The following MEIS2 variants were observed in gnomAD, a reference collection of about 807,000 sequenced individuals.
The protein encoded by MEIS2 is homeobox protein Meis2.
Under a neutral mutation model 58.6 loss-of-function variants are expected in MEIS2, and 9 were observed. That is an observed-to-expected ratio of 0.15 (90% CI 0.09 to 0.27). The LOEUF (loss-of-function observed/expected upper bound fraction) is 0.27, where lower values mean the gene tolerates loss of function less well. Among genes scored for constraint, MEIS2 ranks in the 10% least tolerant of loss-of-function variants. The pLI, the probability that MEIS2 is intolerant of heterozygous loss-of-function variation, is 1.00. For synonymous variants in MEIS2, 221 were observed against 228.4 expected, an observed-to-expected ratio of 0.97 and a Z score of 0.29; for missense variants, 427 against 635.0, an observed-to-expected ratio of 0.67 and a Z score of 3.52.
intron 9 of MEIS2, among the ~76,000 whole-genome samples, chr15:36,905,926 T>C (rs1324933862): frequency 6.6e-6 from 1 of 152,124 alleles, no homozygotes; most frequent in Non-Finnish European, 1.5e-5. Flanking sequence ...AAATAGTCCA[T>C]AGTCAGTAAA....
At chr15:37,064,519 A>G (rs984078360) in intron 7 of MEIS2, among the ~76,000 whole-genome samples, 3 of 152,214 alleles carry the variant, frequency 2.0e-5, no homozygotes, top group Admixed American at 6.5e-5. Context: ...TTGCACAGGC[A>G]AAGTGAATTG....
At position 37,099,796 on chromosome 15, in the gene MEIS2, C is replaced by T. The variant is rs1026793378; in HGVS notation, c.-330G>A. 3.0e-5 allele frequency: 9 copies of T among 302,056 alleles called. No homozygotes were observed. The highest frequency in any genetic ancestry group is 1.8e-4 in the African/African-American group (8 of 44,020). 18.7% of individuals were successfully genotyped at this position (302,056 alleles called of 1,614,324 possible). On this transcript the variant is annotated 5_prime_UTR_variant, in exon 1 of 12. Coordinates refer to ENST00000561208, the MANE Select transcript of MEIS2 (RefSeq NM_170675.5). ...TTCCCCCTCTTTCTCTTCTCTTCCCCTCAGTTGGAAAAAAAAAGAAAGAAA... is the reference window on the plus strand; with the variant it reads ...TTCCCCCTCTTTCTCTTCTCTTCCCTTCAGTTGGAAAAAAAAAGAAAGAAA...
At chr15:36,921,423 C>T (rs1209143624) in intron 9 of MEIS2, among the ~76,000 whole-genome samples, 3 of 152,166 alleles carry the variant, frequency 2.0e-5, no homozygotes, top group Admixed American at 6.5e-5. Flanking sequence ...TTCCTGATAC[C>T]GTATGCTATT....
At chr15:37,093,980 A>C (rs1019982047) in intron 5 of MEIS2, 4 of 461,164 alleles carry the variant, frequency 8.7e-6, no homozygotes, top group African/African-American at 7.7e-5. Flanking sequence ...GAGAGAAAGA[A>C]ACAGGACTGG....
chr15:36,960,859 G>A (rs2059156256), intron 8 of MEIS2, among the ~76,000 whole-genome samples: 1 of 152,072 alleles, frequency 6.6e-6, no homozygotes, highest in Admixed American at 6.5e-5. Flanking sequence ...TATCACCCAA[G>A]TGTTTACCTT....
At chr15:36,995,116 C>G (rs923495905) in intron 8 of MEIS2, among the ~76,000 whole-genome samples, 2 of 152,178 alleles carry the variant, frequency 1.3e-5, no homozygotes, top group Non-Finnish European at 2.9e-5. Flanking sequence ...TCACAACTTA[C>G]AGAAATTTCA....
chr15:36,934,468 C>T (rs949828974), intron 9 of MEIS2, among the ~76,000 whole-genome samples: 1 of 152,192 alleles, frequency 6.6e-6, no homozygotes, highest in African/African-American at 2.4e-5. Context: ...TCAGCCTCTT[C>T]CCTTGGTGTA....
intron 7 of MEIS2, among the ~76,000 whole-genome samples, chr15:37,079,163 G>A (rs2141900492): frequency 6.6e-6 from 1 of 152,058 alleles, no homozygotes; most frequent in Admixed American, 6.6e-5. Context: ...AATGTAAATA[G>A]TCCATATACA....
intron 9 of MEIS2, among the ~76,000 whole-genome samples, chr15:36,898,989 C>A: frequency 6.6e-6 from 1 of 152,284 alleles, no homozygotes; most frequent in South Asian, 2.1e-4. Context: ...CTTTCTTTAC[C>A]CACTTCTCCT....
At chr15:37,056,142 C>T (rs553843384) in intron 7 of MEIS2, among the ~76,000 whole-genome samples, 1 of 152,270 alleles carries the variant, frequency 6.6e-6, no homozygotes, top group South Asian at 2.1e-4. Context: ...GAGCAAACTG[C>T]ATCAATTTTC....
At chr15:36,995,979 A>ATGTG (rs1204930275) in intron 8 of MEIS2, among the ~76,000 whole-genome samples, 3 of 79,692 alleles carry the variant, frequency 3.8e-5, no homozygotes, top group African/African-American at 1.8e-4. Flanking sequence ...ATATATATAT[A>ATGTG]TATATATATA....
At chr15:36,963,366 C>T (rs562804104) in intron 8 of MEIS2, among the ~76,000 whole-genome samples, 20 of 143,124 alleles carry the variant, frequency 1.4e-4, no homozygotes, top group Middle Eastern at 3.7e-3. Context: ...GGTGACAGTG[C>T]GAGACTCCAT....
At chr15:36,946,895 T>C (rs909066760) in intron 9 of MEIS2, among the ~76,000 whole-genome samples, 3 of 152,104 alleles carry the variant, frequency 2.0e-5, no homozygotes, top group African/African-American at 7.2e-5. Flanking sequence ...CTATATTACC[T>C]TTAGAGCTTT....
chr15:36,925,464 G>A (rs2141311481), intron 9 of MEIS2, among the ~76,000 whole-genome samples: 1 of 152,192 alleles, frequency 6.6e-6, no homozygotes, highest in East Asian at 1.9e-4. Context: ...CAAGGGTGAG[G>A]CGGCTGCTTT....
At chr15:37,045,521 G>A (rs752935166) in intron 7 of MEIS2, among the ~76,000 whole-genome samples, 2 of 152,016 alleles carry the variant, frequency 1.3e-5, no homozygotes, top group Non-Finnish European at 2.9e-5. Flanking sequence ...GCTTAATTCT[G>A]CTTTAGAATA....
intron 8 of MEIS2, among the ~76,000 whole-genome samples, chr15:37,016,923 A>G (rs758078777): frequency 1.5e-4 from 23 of 152,244 alleles, no homozygotes; most frequent in Non-Finnish European, 2.9e-4. Flanking sequence ...AATTTGCTTC[A>G]TTGCACAATA....
intron 9 of MEIS2, among the ~76,000 whole-genome samples, chr15:36,933,134 C>G (rs1009930896): frequency 6.6e-6 from 1 of 152,128 alleles, no homozygotes; most frequent in Non-Finnish European, 1.5e-5. Context: ...GAGTGAGTCT[C>G]AAAGCTGTAA....
At chr15:36,994,590 T>G (rs575528503) in intron 8 of MEIS2, among the ~76,000 whole-genome samples, 2 of 152,208 alleles carry the variant, frequency 1.3e-5, no homozygotes, top group African/African-American at 2.4e-5. Flanking sequence ...TTGAAATAAT[T>G]AGATCCTACA....
At chr15:37,047,130 A>G (rs2062707844) in intron 7 of MEIS2, among the ~76,000 whole-genome samples, 1 of 152,160 alleles carries the variant, frequency 6.6e-6, no homozygotes, top group Non-Finnish European at 1.5e-5. Flanking sequence ...CATCATAATA[A>G]AGCTCTTCTG....
Sources: gnomAD v4.1 joint callset for allele counts (sites outside exome capture counted in the v4.1 genomes callset) on GRCh38, gnomAD v4.1.1 for gene constraint, MANE v1.5 for transcripts, NCBI Gene and HGNC (gene_info 2026-07-23, HGNC 2026-07-21) for gene names.